TENM3: variants seen among roughly 807,000 people sequenced by gnomAD.
TENM3 encodes teneurin-3.
A neutral mutation model predicts 255.1 loss-of-function variants in TENM3; 63 were observed. That is an observed-to-expected ratio of 0.25 (90% confidence interval 0.20 to 0.30). TENM3 has a LOEUF of 0.30. Ranked by LOEUF, TENM3 falls within the 10% of genes least tolerant of loss-of-function variation. TENM3 has a pLI of 1.00. For synonymous variants in TENM3, 1,306 were observed against 1,322.3 expected (o/e 0.99, Z 0.27); for missense variants, 2,929 against 3,461.1 (o/e 0.85, Z 3.86).
the TENM3 span, among the ~76,000 whole-genome samples, chr4:181,946,278 C>T: frequency 6.6e-6 from 1 of 152,200 alleles, no homozygotes; most frequent in South Asian, 2.1e-4. Flanking sequence ...AACCAAGTTA[C>T]ACTCACATCA....
At chr4:181,674,526 A>T in the TENM3 span, among the ~76,000 whole-genome samples, 1 of 152,176 alleles carries the variant, frequency 6.6e-6, no homozygotes, top group Non-Finnish European at 1.5e-5. Context: ...GCTGCTATGC[A>T]TTGTGAAATT....
the TENM3 span, among the ~76,000 whole-genome samples, chr4:181,582,935 C>A: frequency 6.6e-6 from 1 of 152,078 alleles, no homozygotes; most frequent in Non-Finnish European, 1.5e-5. Flanking sequence ...TCTAGACATG[C>A]TTATTTCTCA....
chr4:182,698,418 G>A (rs971780311), intron 12 of TENM3, among the ~76,000 whole-genome samples: 5 of 152,090 alleles, frequency 3.3e-5, no homozygotes, highest in African/African-American at 7.2e-5. Context: ...TGAGTCATAC[G>A]ATGACGTCTC....
chr4:181,712,336 G>T, the TENM3 span, among the ~76,000 whole-genome samples: 1 of 152,094 alleles, frequency 6.6e-6, no homozygotes, highest in Non-Finnish European at 1.5e-5. Context: ...CATCCCCTTG[G>T]TGTTGTTTTT....
chr4:181,620,900 C>CA, the TENM3 span, among the ~76,000 whole-genome samples: 22 of 152,038 alleles, frequency 1.4e-4, no homozygotes, highest in Non-Finnish European at 2.6e-4. Context: ...TTATGGAAAA[C>CA]AAAAAATGTT....
chr4:182,635,942 C>T (rs1399330727), intron 5 of TENM3, among the ~76,000 whole-genome samples: 1 of 152,182 alleles, frequency 6.6e-6, no homozygotes, highest in Non-Finnish European at 1.5e-5. Context: ...CTTTATGCTT[C>T]ATGAAAAATC....
chr4:182,339,338 A>G (rs1028100880), intron 2 of TENM3, among the ~76,000 whole-genome samples: 1 of 152,188 alleles, frequency 6.6e-6, no homozygotes, highest in Non-Finnish European at 1.5e-5. Flanking sequence ...TGTTTACTCA[A>G]CCTTACATTT....
At chr4:182,277,985 A>G (rs1760119232) in intron 1 of TENM3, among the ~76,000 whole-genome samples, 1 of 152,226 alleles carries the variant, frequency 6.6e-6, no homozygotes, top group Non-Finnish European at 1.5e-5. Flanking sequence ...GGAATCCTCC[A>G]TTTCTTGGCC....
chr4:181,638,733 T>A, the TENM3 span, among the ~76,000 whole-genome samples: 3 of 152,230 alleles, frequency 2.0e-5, no homozygotes, highest in Non-Finnish European at 4.4e-5. Context: ...TGGGTTTTTT[T>A]AAAATGTTAC....
the TENM3 span, among the ~76,000 whole-genome samples, chr4:181,916,025 C>G: frequency 6.6e-6 from 1 of 152,094 alleles, no homozygotes; most frequent in South Asian, 2.1e-4. Context: ...GTCTAAAATC[C>G]GTATCAGGCC....
chr4:182,448,536 T>C (rs569455573), intron 3 of TENM3, among the ~76,000 whole-genome samples: 4 of 152,112 alleles, frequency 2.6e-5, no homozygotes, highest in African/African-American at 9.6e-5. Context: ...GATCCGTTCA[T>C]GGGTTGGGAG....
chr4:182,375,515 G>T (rs966434258), intron 3 of TENM3, among the ~76,000 whole-genome samples: 2 of 152,040 alleles, frequency 1.3e-5, no homozygotes, highest in African/African-American at 4.8e-5. Context: ...ATTTTTTAAG[G>T]AGTTGCGTGT....
chr4:182,316,750 T>C (rs1762772660), intron 1 of TENM3, among the ~76,000 whole-genome samples: 1 of 152,162 alleles, frequency 6.6e-6, no homozygotes, highest in Non-Finnish European at 1.5e-5. Context: ...GAGGGACCCT[T>C]GGCAGATCCT....
At chr4:182,460,717 T>C (rs1444059382) in intron 3 of TENM3, among the ~76,000 whole-genome samples, 2 of 152,152 alleles carry the variant, frequency 1.3e-5, no homozygotes, top group Admixed American at 1.3e-4. Flanking sequence ...ACAAACCCAT[T>C]TATATATTTC....
intron 4 of TENM3, among the ~76,000 whole-genome samples, chr4:182,621,812 A>ATAT (rs1561017239): frequency 2.1e-3 from 2 of 974 alleles, no homozygotes; most frequent in African/African-American, 2.2e-3. Context: ...TATATATATT[A>ATAT]TATATATATA....
At chr4:181,448,407 G>C in the TENM3 span, among the ~76,000 whole-genome samples, 1 of 151,644 alleles carries the variant, frequency 6.6e-6, no homozygotes, top group Non-Finnish European at 1.5e-5. Flanking sequence ...TCCTGACCTC[G>C]TGATCCGCCC....
At chr4:181,817,720 AT>A in the TENM3 span, among the ~76,000 whole-genome samples, 1 of 152,242 alleles carries the variant, frequency 6.6e-6, no homozygotes, top group South Asian at 2.1e-4. Context: ...CTTCTTCCAT[AT>A]GAGGATGCAA....
the TENM3 span, among the ~76,000 whole-genome samples, chr4:181,642,537 T>C: frequency 6.6e-6 from 1 of 152,212 alleles, no homozygotes; most frequent in Admixed American, 6.5e-5. Flanking sequence ...AGACATGAAG[T>C]CTTTGACCAT....
intron 3 of TENM3, among the ~76,000 whole-genome samples, chr4:182,471,589 A>G (rs189140403): frequency 2.1e-3 from 325 of 152,132 alleles, no homozygotes; most frequent in African/African-American, 7.5e-3. Flanking sequence ...ATCATCATAT[A>G]TGTGGTTCAT....
Sources: gnomAD v4.1 joint callset for allele counts (sites outside exome capture counted in the v4.1 genomes callset) on GRCh38, gnomAD v4.1.1 for gene constraint, MANE v1.5 for transcripts, NCBI Gene and HGNC (gene_info 2026-07-23, HGNC 2026-07-21) for gene names.